Variants in MACF1 observed in about 807,000 individuals in gnomAD.
The protein encoded by MACF1 is microtubule actin crosslinking factor 1.
In MACF1, 193 loss-of-function variants were observed where a neutral mutation model predicts 854.8. That is an observed-to-expected ratio of 0.23 (90% CI 0.20 to 0.25). MACF1 has a LOEUF of 0.25. Ranked by LOEUF, MACF1 falls within the 10% of genes least tolerant of loss-of-function variation. MACF1 has a pLI of 1.00. For synonymous variants in MACF1, 3,185 were observed against 3,226.7 expected, an observed-to-expected ratio of 0.99 and a Z score of 0.44; for missense variants, 7,722 against 8,929.1, an observed-to-expected ratio of 0.86 and a Z score of 5.45.
chr1:39,380,329 A>G lies in MACF1; in HGVS notation c.13604A>G (p.Asn4535Ser). 6.2e-7 allele frequency: 1 copy of G among 1,613,554 alleles called. No individual in the cohort carries two copies. Among genetic ancestry groups the G allele is most frequent in the Non-Finnish European group, 8.5e-7 (1 of 1,179,784 alleles). ...GCTGGATTACTGGTGACATATCCCA[A>G]CTCACAGGAAGCAGAAAATTGGAAG... Reference protein sequence around the residue: ...ALAGLLVTYPNSQEAENWKKI... With the variant: ...ALAGLLVTYPSSQEAENWKKI... The change falls in exon 55 of 101, where the codon AAC becomes AGC. Residue 4535 changes from asparagine (N) to serine (S), a missense_variant. Asn to Ser is a conservative substitution (Grantham distance 46). Transcript: ENST00000564288.
intron 2 of MACF1, among the ~76,000 whole-genome samples, chr1:39,238,978 G>C (rs886692747): frequency 6.6e-6 from 1 of 152,076 alleles, no homozygotes; most frequent in Non-Finnish European, 1.5e-5. Flanking sequence ...GTAGACCAAC[G>C]TAAGGACAAA....
chr1:39,168,366 CT>C (rs1337395990), intron 2 of MACF1, among the ~76,000 whole-genome samples: 1 of 152,106 alleles, frequency 6.6e-6, no homozygotes, highest in Non-Finnish European at 1.5e-5. Context: ...TGTTTGTCTG[CT>C]TTGTTGGGTC....
chr1:39,136,379 C>G (rs570441138), intron 2 of MACF1, among the ~76,000 whole-genome samples: 1 of 152,290 alleles, frequency 6.6e-6, no homozygotes, highest in East Asian at 1.9e-4. Flanking sequence ...TTATGCTGGA[C>G]ATGGGTGGAG....
chr1:39,427,958 C>T lies in MACF1; in HGVS notation c.16477-3C>T, dbSNP rs1159277555. Reference sequence around the variant, plus strand: ...TATTCATTTTTTCCATCTGGATTTCCAGGCTCTGGAAGAAGACATAGAAAA... The same window carrying T: ...TATTCATTTTTTCCATCTGGATTTCTAGGCTCTGGAAGAAGACATAGAAAA... On this transcript the variant is annotated splice_polypyrimidine_tract_variant and splice_region_variant and intron_variant, in intron 62 of 100. Coordinates refer to ENST00000564288, the MANE Select transcript of MACF1 (RefSeq NM_001394062.1). The T allele has an allele frequency of 6.3e-7, 1 of 1,590,042 alleles. No individual in the cohort carries two copies. The highest frequency in any genetic ancestry group is 1.1e-5 in the South Asian group (1 of 87,754).
At position 39,248,262 on chromosome 1, in the gene MACF1, TTCTTTA is replaced by T. The variant is rs1247009596; in HGVS notation, c.172-1747_172-1742del. 2.0e-5 allele frequency among the ~76,000 whole-genome samples: 3 copies of T among 152,332 alleles called. No homozygotes were observed. The East Asian group carries it at 5.8e-4, about 29-fold the overall frequency. ...GAGGAAGTCTTTACGTATGTTTCCA[TTCTTTA>T]TCTTGTCCAGTTTCCATTCTTATCC... On this transcript the variant is annotated intron_variant, in intron 2 of 100. Coordinates refer to ENST00000564288, the MANE Select transcript of MACF1 (RefSeq NM_001394062.1).
Position 39,442,498 on chromosome 1 carries a change from G to C in MACF1, c.19035G>C (p.Glu6345Asp). The part of the protein sequence containing the change: ...ELMSWLTHTE[E>D]LLDAQRPISG... ...TGAGTTGGCTGACTCATACCGAAGA[G>C]TTGTTAGATGCTCAGAGACCAATAA... Residue 6345 changes from glutamate to aspartate, a missense_variant, in exon 77 of 101, where the codon GAG (glutamate) becomes GAC (aspartate). Around this residue, in one of 15 missense-constraint regions of MACF1, gnomAD observed 2,807 missense variants for 3,235.8 expected, o/e 0.87. Coordinates refer to ENST00000564288, the MANE Select transcript of MACF1 (RefSeq NM_001394062.1). 1 of 1,614,236 alleles carries C rather than the reference G, an allele frequency of 6.2e-7. No individual in the cohort carries two copies.
chr1:39,188,253 C>A (rs1644203768), intron 2 of MACF1, among the ~76,000 whole-genome samples: 2 of 151,784 alleles, frequency 1.3e-5, no homozygotes, highest in South Asian at 4.2e-4. Context: ...GCCTGGGCAA[C>A]CCCATCTGTA....
chr1:39,251,793 A>G lies in MACF1; in HGVS notation c.262-53A>G, dbSNP rs1374457438. On this transcript the variant is annotated intron_variant, in intron 3 of 100. Coordinates refer to ENST00000564288, the MANE Select transcript of MACF1 (RefSeq NM_001394062.1). ...GCATTCATTTCCTTTCCATCTTTTT[A>G]TTGTGAATTTCTTGTTCCTCTATTG... 4 of 1,026,734 alleles carry G rather than the reference A, an allele frequency of 3.9e-6. No homozygotes were observed. The East Asian group carries it at 9.7e-5, about 25-fold the overall frequency. The allele number at this position is 1,026,734 out of a possible 1,614,324, so 63.6% of individuals were successfully genotyped here.
intron 1 of MACF1, among the ~76,000 whole-genome samples, chr1:39,207,282 CTTT>C (rs199750797): frequency 2.3e-5 from 3 of 133,306 alleles, no homozygotes; most frequent in Admixed American, 7.3e-5. Flanking sequence ...TTCTTTCTTT[CTTT>C]TTTTTTTTTG....
chr1:39,449,473 A>G (rs1203309319), intron 84 of MACF1, among the ~76,000 whole-genome samples: 2 of 151,912 alleles, frequency 1.3e-5, no homozygotes, highest in Admixed American at 1.3e-4. Context: ...ATCTCGGCTC[A>G]CTGCAAGCTC....
At chr1:39,148,161 C>T (rs1452104210) in intron 2 of MACF1, among the ~76,000 whole-genome samples, 1 of 152,158 alleles carries the variant, frequency 6.6e-6, no homozygotes, top group Non-Finnish European at 1.5e-5. Flanking sequence ...TATTTATCAT[C>T]TTATTTTACA....
Position 39,437,874 on chromosome 1 carries a change from G to A in MACF1, c.18086G>A (p.Arg6029Lys). The stretch of plus-strand genomic sequence containing the variant: ...ATCCCTGCTGAAGTAGACAAGATCA[G>A]AGAGTGCATCAGTGACAATAAGAGT... ...PLIPAEVDKI[R>K]ECISDNKSAT... The change falls in exon 71 of 101, where the codon AGA becomes AAA. Residue 6029 changes from arginine to lysine, a missense_variant. By Grantham distance (26) the Arg-to-Lys change is conservative. This residue lies in a region of MACF1 where 2,807 missense variants were observed against 3,235.8 expected (regional missense o/e 0.87). Coordinates refer to ENST00000564288, the MANE Select transcript of MACF1 (RefSeq NM_001394062.1). The A allele has an allele frequency of 6.2e-7, 1 of 1,614,154 alleles. No homozygotes were observed.
In MACF1 at chr1:39,469,635, C is replaced by G. The variant is rs755691403; in HGVS notation, c.21958+20C>G. 1.3e-6 allele frequency: 2 copies of G among 1,540,836 alleles called. No individual in the cohort carries two copies. Among genetic ancestry groups the G allele is most frequent in the African/African-American group, 1.4e-5 (1 of 72,924 alleles). On this transcript the variant is annotated intron_variant, in intron 97 of 100. Transcript: ENST00000564288. ...CCATAGGTTGGCTTTTAAGCTTTGT[C>G]CCTCTTCCTCACACCCTAGCCCATT...
chr1:39,331,579 C>A lies in MACF1; in HGVS notation c.4991C>A (p.Ser1664Tyr). The A allele has an allele frequency of 6.2e-7, 1 of 1,614,172 alleles. No homozygotes were observed. The highest frequency in any genetic ancestry group is 8.5e-7 in the Non-Finnish European group (1 of 1,180,018). The change falls in exon 37 of 101, where the codon TCC (serine) becomes TAC (tyrosine). Residue 1664 changes from serine (S) to tyrosine (Y), a missense_variant. Coordinates refer to ENST00000564288, the MANE Select transcript of MACF1 (RefSeq NM_001394062.1). ...CTGGCAACTGGAGGTTTCAGTCTTTCCCCTAGTGAGAACTGTATTAACCTG... is the reference window on the plus strand; with the variant it reads ...CTGGCAACTGGAGGTTTCAGTCTTTACCCTAGTGAGAACTGTATTAACCTG... The part of the protein sequence containing the change: ...AHLATGGFSL[S>Y]PSENCINLEE...
intron 2 of MACF1, among the ~76,000 whole-genome samples, chr1:39,115,936 C>T (rs1260094983): frequency 6.6e-6 from 1 of 152,132 alleles, no homozygotes; most frequent in Non-Finnish European, 1.5e-5. Flanking sequence ...ATAAAGGTTA[C>T]TGCTACTGGA....
At position 39,331,456 on chromosome 1, in the gene MACF1, G is replaced by A. The variant is rs374289534; in HGVS notation, c.4868G>A (p.Ser1623Asn). The A allele has an allele frequency of 6.2e-7, 1 of 1,614,022 alleles. No individual in the cohort carries two copies. The highest frequency in any genetic ancestry group is 8.5e-7 in the Non-Finnish European group (1 of 1,180,028). ...CTACAGGATGCCCTGGCCTTAATAA[G>A]CAGGCTTACTGAGAGCAGAGGCCCT... ...RELQDALALI[S>N]RLTESRGPLS... Residue 1623 changes from serine (S) to asparagine (N), a missense_variant, in exon 37 of 101, where the codon AGC (serine) becomes AAC (asparagine). Coordinates refer to ENST00000564288, the MANE Select transcript of MACF1 (RefSeq NM_001394062.1).
intron 58 of MACF1, among the ~76,000 whole-genome samples, chr1:39,390,339 C>T (rs761657154): frequency 1.1e-4 from 16 of 152,124 alleles, no homozygotes; most frequent in Non-Finnish European, 2.1e-4. Context: ...AGCTCAGAGC[C>T]ACGTAGTCCT....
intron 62 of MACF1, 111 bp from the exon 63 acceptor site, chr1:39,427,850 C>T (rs1054212236): frequency 1.5e-5 from 15 of 1,010,974 alleles, no homozygotes; most frequent in East Asian, 5.3e-5. Flanking sequence ...GCCTTTCAGT[C>T]GGTGAGTTTT....
chr1:39,276,013 G>A (rs1645429948), intron 6 of MACF1, among the ~76,000 whole-genome samples: 1 of 151,518 alleles, frequency 6.6e-6, no homozygotes, highest in East Asian at 1.9e-4. Flanking sequence ...TTGACATCTT[G>A]GGCTTAAACG....
Sources: gnomAD v4.1 joint callset for allele counts (sites outside exome capture counted in the v4.1 genomes callset) on GRCh38, gnomAD v4.1.1 for gene constraint, gnomAD v4.1.1 regional missense constraint, MANE v1.5 for transcripts, NCBI Gene and HGNC (gene_info 2026-07-23, HGNC 2026-07-21) for gene names.